The following RGS10 variants were observed in gnomAD, a reference collection of about 807,000 sequenced individuals.
The protein encoded by RGS10 is regulator of G protein signaling 10.
Under a neutral mutation model 23.5 loss-of-function variants are expected in RGS10, and 11 were observed. That is an observed-to-expected ratio of 0.47 (90% CI 0.29 to 0.77). The LOEUF (loss-of-function observed/expected upper bound fraction) is 0.77, where lower values mean the gene tolerates loss of function less well. RGS10 is among the 30% of genes least tolerant of loss of function. The probability of loss-of-function intolerance (pLI) is 0.08; values close to 1 mark genes in which losing one functional copy is unlikely to be tolerated. For missense variants in RGS10, 180 were observed against 226.3 expected (o/e 0.80, Z 1.31); for synonymous variants, 77 against 83.2 (o/e 0.92, Z 0.41).
chr10:119,542,588 A>C lies in RGS10; in HGVS notation c.49+2T>G. ...AGCCCGCGGGCCCCCGAAGCCGCTT[A>C]CCTGACGGCGGCCGCTTCCTGCTCA... is the stretch of plus-strand genomic sequence containing the variant. On this transcript the variant is annotated splice_donor_variant, in intron 1 of 4. Coordinates refer to ENST00000369103, the MANE Select transcript of RGS10 (RefSeq NM_001005339.2). LOFTEE classifies it high-confidence loss of function. The C allele has an allele frequency of 7.0e-7, 1 of 1,422,142 alleles. No homozygotes were observed. The highest frequency in any genetic ancestry group is 9.2e-7 in the Non-Finnish European group (1 of 1,086,046). 88.1% of individuals were successfully genotyped at this position (1,422,142 alleles called of 1,614,324 possible).
chr10:119,532,692 T>A (rs1277219353), intron 1 of RGS10, among the ~76,000 whole-genome samples: 1 of 151,924 alleles, frequency 6.6e-6, no homozygotes, highest in Non-Finnish European at 1.5e-5. Flanking sequence ...ATACAAACAA[T>A]TAGCCTGGAG....
In RGS10 at chr10:119,517,059, C is replaced by T. The variant is rs149581308; in HGVS notation, c.256-1407G>A. On this transcript the variant is annotated intron_variant, in intron 3 of 4. Coordinates refer to ENST00000369103, the MANE Select transcript of RGS10 (RefSeq NM_001005339.2). This position sits in a 1 kb window ranked among gnomAD's most constrained non-coding sequence, Gnocchi z 5.0. ...CTCTCCAAGAGCCCAACTGGGGCTCCGCATGTGCTGTGGGGCTTGGTTTGG... is the reference window on the plus strand; with the variant it reads ...CTCTCCAAGAGCCCAACTGGGGCTCTGCATGTGCTGTGGGGCTTGGTTTGG... 2.0e-5 allele frequency among the ~76,000 whole-genome samples: 3 copies of T among 152,328 alleles called. No individual in the cohort carries two copies. The highest frequency in any genetic ancestry group is 2.1e-4 in the South Asian group (1 of 4,826).
chr10:119,503,278 T>A (rs1843971915), intron 4 of RGS10, among the ~76,000 whole-genome samples: 1 of 150,092 alleles, frequency 6.7e-6, no homozygotes, highest in Admixed American at 6.7e-5. Context: ...AGGTTGAGGC[T>A]GCAGTGAGCT....
chr10:119,527,301 C>T lies in RGS10; in HGVS notation c.168+5G>A. 6.2e-7 allele frequency: 1 copy of T among 1,605,206 alleles called. No homozygotes were observed. The highest frequency in any genetic ancestry group is 8.5e-7 in the Non-Finnish European group (1 of 1,172,232). The stretch of plus-strand genomic sequence containing the variant: ...CCATCCCGATTAACAATGAAAAAGA[C>T]AAACCCTAAATCTTTTCACGCCTTC... On this transcript the variant is annotated splice_donor_5th_base_variant and intron_variant, in intron 2 of 4. Coordinates refer to ENST00000369103, the MANE Select transcript of RGS10 (RefSeq NM_001005339.2). This position sits in a 1 kb window ranked among gnomAD's most constrained non-coding sequence, Gnocchi z 4.2.
intron 4 of RGS10, among the ~76,000 whole-genome samples, chr10:119,506,831 G>T (rs1844019117): frequency 6.6e-6 from 1 of 152,294 alleles, no homozygotes; most frequent in East Asian, 1.9e-4. Context: ...CTCCCAAGTA[G>T]CTGGAATTAC....
chr10:119,533,346 A>T (rs145475693), intron 1 of RGS10, among the ~76,000 whole-genome samples: 6 of 147,628 alleles, frequency 4.1e-5, no homozygotes, highest in South Asian at 4.3e-4. Flanking sequence ...AAAAAAGTTT[A>T]AAAAAAAAAA....
chr10:119,526,792 C>A (rs1434181975), intron 2 of RGS10, among the ~76,000 whole-genome samples: 1 of 152,142 alleles, frequency 6.6e-6, no homozygotes, highest in Non-Finnish European at 1.5e-5. Context: ...TTGAAATTCA[C>A]ATATGGTCCT....
intron 2 of RGS10, 41 bp from the exon 3 acceptor site, chr10:119,526,159 T>C (rs773021239): frequency 5.2e-6 from 5 of 963,554 alleles, no homozygotes; most frequent in African/African-American, 1.7e-5. Flanking sequence ...TATTCTACTT[T>C]AAAAAAAAAA....
At chr10:119,537,382 CA>C (rs56219523) in intron 1 of RGS10, among the ~76,000 whole-genome samples, 23 of 131,332 alleles carry the variant, frequency 1.8e-4, no homozygotes, top group East Asian at 6.5e-4. Context: ...AACTCCGTCT[CA>C]AAAAAAAAAA....
At chr10:119,509,005 G>A (rs967013319) in intron 4 of RGS10, among the ~76,000 whole-genome samples, 4 of 152,148 alleles carry the variant, frequency 2.6e-5, no homozygotes, top group African/African-American at 9.7e-5. Context: ...GCAGTCTAAG[G>A]TTAGAGGATG....
At chr10:119,529,332 T>C (rs1217884487) in intron 1 of RGS10, among the ~76,000 whole-genome samples, 3 of 152,112 alleles carry the variant, frequency 2.0e-5, no homozygotes, top group Non-Finnish European at 2.9e-5. Context: ...TGGGTGCCTG[T>C]AGTCCCAGCT....
intron 1 of RGS10, among the ~76,000 whole-genome samples, chr10:119,530,226 C>A (rs1332203296): frequency 6.6e-6 from 1 of 152,200 alleles, no homozygotes; most frequent in Non-Finnish European, 1.5e-5. Flanking sequence ...TGGAGAAAAT[C>A]TGTATCAGAG....
At chr10:119,504,464 C>T (rs1041222198) in intron 4 of RGS10, among the ~76,000 whole-genome samples, 3 of 152,228 alleles carry the variant, frequency 2.0e-5, no homozygotes, top group Non-Finnish European at 4.4e-5. Flanking sequence ...GCATGAGCCA[C>T]CACGCCCGGC....
chr10:119,527,212 A>G lies in RGS10; in HGVS notation c.168+94T>C. 2 of 844,862 alleles carry G rather than the reference A, an allele frequency of 2.4e-6. No individual in the cohort carries two copies. Among genetic ancestry groups the G allele is most frequent in the Non-Finnish European group, 3.9e-6 (2 of 516,260 alleles). The allele number at this position is 844,862 out of a possible 1,614,324, so 52.3% of individuals were successfully genotyped here. On this transcript the variant is annotated intron_variant, in intron 2 of 4. Transcript: ENST00000369103. The surrounding 1 kb of genome is among the most constrained non-coding windows in gnomAD (Gnocchi z 4.2). ...AGCTGGCATAGAGAGTGCTACGCTG[A>G]CAGACAATGTTGAACTGGCCTATTT...
chr10:119,514,535 G>A (rs559507581), intron 4 of RGS10, among the ~76,000 whole-genome samples: 26 of 151,658 alleles, frequency 1.7e-4, no homozygotes, highest in African/African-American at 6.0e-4. Flanking sequence ...GTGGGCGCCT[G>A]TAATTCCAGC....
chr10:119,503,348 A>AG (rs1843972773), intron 4 of RGS10, among the ~76,000 whole-genome samples: 1 of 152,018 alleles, frequency 6.6e-6, no homozygotes, highest in African/African-American at 2.4e-5. Flanking sequence ...TCAAAAAAAA[A>AG]AAAAAAAGAG....
chr10:119,531,917 T>C (rs1185868370), intron 1 of RGS10, among the ~76,000 whole-genome samples: 1 of 152,154 alleles, frequency 6.6e-6, no homozygotes, highest in Non-Finnish European at 1.5e-5. Context: ...CAGAAGAGCA[T>C]GGAGTTTTCA....
chr10:119,506,320 C>G (rs896402258), intron 4 of RGS10, among the ~76,000 whole-genome samples: 1 of 152,216 alleles, frequency 6.6e-6, no homozygotes, highest in Admixed American at 6.5e-5. Flanking sequence ...AGCCCTTGCC[C>G]CAGAGCGCCA....
At position 119,504,109 on chromosome 10, in the gene RGS10, G is replaced by A. The variant is rs147022293; in HGVS notation, c.400-3850C>T. Among the ~76,000 whole-genome samples, 24 of 152,342 alleles carry A rather than the reference G, an allele frequency of 1.6e-4. No homozygotes were observed. In the East Asian group the frequency reaches 2.9e-3, roughly 18 times the overall value. The stretch of plus-strand genomic sequence containing the variant: ...AAGAGAGTAACATGGAAAACTGCCC[G>A]TGAATGTTAAATGACTGATACTAAA... On this transcript the variant is annotated intron_variant, in intron 4 of 4. Coordinates refer to ENST00000369103, the MANE Select transcript of RGS10 (RefSeq NM_001005339.2).
Sources: allele counts gnomAD v4.1 joint callset (sites outside exome capture counted in the v4.1 genomes callset), GRCh38; gene constraint gnomAD v4.1.1; non-coding constraint Gnocchi (gnomAD v3.1); transcripts MANE v1.5; gene names NCBI Gene and HGNC (gene_info 2026-07-23, HGNC 2026-07-21).